Variants in TLK1 observed in about 807,000 individuals in gnomAD.
TLK1 encodes the protein tousled like kinase 1, also known as serine/threonine-protein kinase tousled-like 1.
In TLK1, 24 loss-of-function variants were observed where a neutral mutation model predicts 105.3. That is an observed-to-expected ratio of 0.23 (90% CI 0.17 to 0.32). The LOEUF is 0.32. Ranked by LOEUF, TLK1 falls within the 10% of genes least tolerant of loss-of-function variation. TLK1 has a pLI of 1.00. For synonymous variants in TLK1, 321 were observed against 310.4 expected (o/e 1.03, Z -0.36); for missense variants, 558 against 910.5 (o/e 0.61, Z 4.98).
intron 2 of TLK1, among the ~76,000 whole-genome samples, chr2:171,106,117 A>G (rs915415756): frequency 7.9e-5 from 12 of 152,228 alleles, no homozygotes; most frequent in African/African-American, 2.9e-4. Flanking sequence ...TAAATACTGC[A>G]TGTTCTCACT....
intron 2 of TLK1, among the ~76,000 whole-genome samples, chr2:171,096,237 T>C (rs1689445290): frequency 6.6e-6 from 1 of 152,124 alleles, no homozygotes; most frequent in African/African-American, 2.4e-5. Context: ...TGGTGGCTCA[T>C]GCCTGTAATT....
At chr2:171,203,063 T>C (rs545705255) in intron 1 of TLK1, among the ~76,000 whole-genome samples, 66 of 152,304 alleles carry the variant, frequency 4.3e-4, no homozygotes, top group African/African-American at 1.6e-3. Context: ...TTCCAATTAA[T>C]TTCTTTAAAA....
At chr2:171,060,403 C>T (rs1687697001) in intron 4 of TLK1, among the ~76,000 whole-genome samples, 1 of 152,122 alleles carries the variant, frequency 6.6e-6, no homozygotes, top group Admixed American at 6.5e-5. Flanking sequence ...ACAGTTGCTG[C>T]AAATACATTC....
At chr2:171,070,354 T>C (rs990765593) in intron 3 of TLK1, among the ~76,000 whole-genome samples, 2 of 151,568 alleles carry the variant, frequency 1.3e-5, no homozygotes, top group African/African-American at 4.8e-5. Context: ...CACTCTGTTG[T>C]GCTAGCAAAT....
rs1684527426 is a variant in TLK1, at chr2:171,004,046, CT to C, written c.1904+2100del. Among the ~76,000 whole-genome samples, 4 of 152,278 alleles carry C rather than the reference CT, an allele frequency of 2.6e-5. No individual in the cohort carries two copies. The South Asian group carries it at 8.3e-4, about 32-fold the overall frequency. ...CTCAGCTCACTGCAACCTCTGCCTC[CT>C]GGATTCAAACAATTCCCCTGCCTCA... On this transcript the variant is annotated intron_variant, in intron 18 of 20. Transcript: ENST00000431350.
chr2:171,053,328 TAAAC>T (rs1575556058), intron 8 of TLK1, among the ~76,000 whole-genome samples: 1 of 152,072 alleles, frequency 6.6e-6, no homozygotes, highest in African/African-American at 2.4e-5. Flanking sequence ...ATCATGTACT[TAAAC>T]TAACAGAAAA....
chr2:171,163,022 C>A (rs1209618768), upstream of TLK1, among the ~76,000 whole-genome samples: 1 of 152,192 alleles, frequency 6.6e-6, no homozygotes, highest in African/African-American at 2.4e-5. Context: ...AATCTCCTGA[C>A]CTCAGGTGAT....
chr2:171,003,815 TAC>T (rs1684513855), intron 18 of TLK1, among the ~76,000 whole-genome samples: 1 of 152,256 alleles, frequency 6.6e-6, no homozygotes, highest in African/African-American at 2.4e-5. Context: ...TAGCACCAGG[TAC>T]AGTCTGTGTT....
At chr2:171,017,343 T>C (rs1451211238) in intron 12 of TLK1, among the ~76,000 whole-genome samples, 1 of 152,254 alleles carries the variant, frequency 6.6e-6, no homozygotes, top group Non-Finnish European at 1.5e-5. Context: ...GACTGTCACA[T>C]GTGTAGGAAG....
Position 171,227,568 on chromosome 2 carries a change from C to CTTTTTTTTTTTTTTTTTTTTTTTTTTT in TLK1, c.-6+3550_-6+3576dup, listed in dbSNP as rs71401413. On this transcript the variant is annotated intron_variant, in intron 1 of 20. Transcript: ENST00000521943. ...AGTTAGTCATGAGTTAGTAAATCTCCTTTTTTTTTTTTTTTTTTTTTTTTT... is the reference window on the plus strand; with the variant it reads ...AGTTAGTCATGAGTTAGTAAATCTCCTTTTTTTTTTTTTTTTTTTTTTTTTTTTTTTTTTTTTTTTTTTTTTTTTTTT... 1.4e-4 allele frequency among the ~76,000 whole-genome samples: 8 copies of CTTTTTTTTTTTTTTTTTTTTTTTTTTT among 55,500 alleles called. 1 individual carries two copies. Among genetic ancestry groups the CTTTTTTTTTTTTTTTTTTTTTTTTTTT allele is most frequent in the Admixed American group, 5.8e-4 (2 of 3,452 alleles). 36.4% of individuals were successfully genotyped at this position (55,500 alleles called of 152,430 possible). A position where few individuals can be genotyped will look rare whatever the true frequency, so the allele number is the denominator to read the frequency against.
At chr2:171,010,235 A>C (rs1044250962) in intron 14 of TLK1, among the ~76,000 whole-genome samples, 1 of 152,160 alleles carries the variant, frequency 6.6e-6, no homozygotes, top group Admixed American at 6.5e-5. Context: ...GGGGAGGGGA[A>C]CAAAGGGAAA....
intron 14 of TLK1, among the ~76,000 whole-genome samples, chr2:171,009,264 C>G (rs1175239627): frequency 6.7e-6 from 1 of 149,150 alleles, no homozygotes; most frequent in African/African-American, 2.5e-5. Flanking sequence ...TAGTCTTTGT[C>G]CCATGCAACA....
At chr2:171,035,211 A>G (rs1237716812) in intron 11 of TLK1, among the ~76,000 whole-genome samples, 2 of 152,044 alleles carry the variant, frequency 1.3e-5, no homozygotes, top group African/African-American at 2.4e-5. Flanking sequence ...GCGTGGTGGC[A>G]GGCACCTGTA....
Position 171,154,705 on chromosome 2 carries a change from T to C in TLK1, c.139+5585A>G, listed in dbSNP as rs537377082. Among the ~76,000 whole-genome samples, 13 of 152,312 alleles carry C rather than the reference T, an allele frequency of 8.5e-5. No homozygotes were observed. In the South Asian group the frequency reaches 2.7e-3, roughly 32 times the overall value. On this transcript the variant is annotated intron_variant, in intron 1 of 20. Coordinates refer to ENST00000431350, the MANE Select transcript of TLK1 (RefSeq NM_012290.5). ...TACTGCTTCTACTACTTCATAACAA[T>C]ATTCCTGTAATTTATTTTAAGATTC...
chr2:171,033,066 C>T (rs1021320086), intron 11 of TLK1, among the ~76,000 whole-genome samples: 1 of 151,942 alleles, frequency 6.6e-6, no homozygotes, highest in Non-Finnish European at 1.5e-5. Flanking sequence ...ATTAGCCAGG[C>T]GTGGTGATGG....
At chr2:171,097,349 G>C (rs1689494106) in intron 2 of TLK1, among the ~76,000 whole-genome samples, 1 of 152,018 alleles carries the variant, frequency 6.6e-6, no homozygotes. Context: ...AAAGACATAA[G>C]ATATGAAATT....
chr2:170,997,797 A>G lies in TLK1; in HGVS notation c.1931T>C (p.Val644Ala), dbSNP rs1171853558. The change falls in exon 19 of 21, where the codon GTT becomes GCT. Residue 644 changes from valine (V) to alanine (A), a missense_variant. This residue lies in a region of TLK1 where 218 missense variants were observed against 492.9 expected (regional missense o/e 0.44). Transcript: ENST00000431350. ...YWYLPPECFV[V>A]GKEPPKISNK... is the part of the protein sequence containing the mutation. ...GGAAATCTTTGGTGGCTCTTTTCCA[A>G]CTACAAAACACTCAGGAGGTAAATA... The G allele has an allele frequency of 6.2e-7, 1 of 1,610,918 alleles. No homozygotes were observed. The highest frequency in any genetic ancestry group is 8.5e-7 in the Non-Finnish European group (1 of 1,178,152).
intron 1 of TLK1, among the ~76,000 whole-genome samples, chr2:171,212,229 A>T (rs1558992795): frequency 6.6e-6 from 1 of 151,930 alleles, no homozygotes; most frequent in Non-Finnish European, 1.5e-5. Context: ...CCACTCCAGC[A>T]GCTGTTTTAT....
chr2:171,009,423 G>T (rs1417281243), intron 14 of TLK1, among the ~76,000 whole-genome samples: 1 of 146,742 alleles, frequency 6.8e-6, no homozygotes, highest in East Asian at 2.1e-4. Context: ...TCATGCCTCA[G>T]CCTCCGAGTA....
Sources: gnomAD v4.1 joint callset for allele counts (sites outside exome capture counted in the v4.1 genomes callset) on GRCh38, gnomAD v4.1.1 for gene constraint, gnomAD v4.1.1 regional missense constraint, MANE v1.5 for transcripts, NCBI Gene and HGNC (gene_info 2026-07-23, HGNC 2026-07-21) for gene names.